WWP1: variants seen among roughly 807,000 people sequenced by gnomAD.
The protein encoded by WWP1 is NEDD4-like E3 ubiquitin-protein ligase WWP1.
WWP1 carries 49 observed loss-of-function variants against 130.6 expected under a neutral mutation model. That is an observed-to-expected ratio of 0.38 (90% CI 0.30 to 0.48). WWP1 has a LOEUF of 0.48. WWP1 is among the 20% of genes least tolerant of loss of function. WWP1 has a pLI of 0.99. For synonymous variants in WWP1, 332 were observed against 367.8 expected (o/e 0.90, Z 1.11); for missense variants, 809 against 1,100.6 (o/e 0.74, Z 3.75).
Position 86,468,364 on chromosome 8 carries a change from C to T in WWP1, c.*1471C>T. Reference sequence around the variant, plus strand: ...AAGACGAAAGAAAGGCAGAGATCTGCTTGGTTGAATAGACTCCTTTTCCAA... The same window carrying T: ...AAGACGAAAGAAAGGCAGAGATCTGTTTGGTTGAATAGACTCCTTTTCCAA... On this transcript the variant is annotated 3_prime_UTR_variant, in exon 25 of 25. Transcript: ENST00000517970. The T allele has an allele frequency of 2.2e-6, 1 of 453,460 alleles. No individual in the cohort carries two copies. The highest frequency in any genetic ancestry group is 4.4e-6 in the Non-Finnish European group (1 of 226,376). The allele number at this position is 453,460 out of a possible 1,614,324, so 28.1% of individuals were successfully genotyped here.
intron 2 of WWP1, among the ~76,000 whole-genome samples, chr8:86,372,221 A>G (rs1035645849): frequency 7.3e-5 from 11 of 151,082 alleles, no homozygotes; most frequent in African/African-American, 2.4e-4. Flanking sequence ...ACGGGGTTTC[A>G]CCGTGTTACC....
At chr8:86,382,397 A>C (rs1825033006) in intron 5 of WWP1, among the ~76,000 whole-genome samples, 1 of 152,174 alleles carries the variant, frequency 6.6e-6, no homozygotes, top group African/African-American at 2.4e-5. Context: ...GATCCTCTGA[A>C]TATTAAAAAC....
intron 12 of WWP1, among the ~76,000 whole-genome samples, chr8:86,431,181 A>ATCTATAATATAATATATATTATATTC (rs1485068688): frequency 3.6e-5 from 5 of 140,372 alleles, no homozygotes; most frequent in East Asian, 2.0e-4. Flanking sequence ...CTACATAATT[A>ATCTATAATATAATATATATTATATTC]TCTATAATAT....
At chr8:86,412,867 T>C (rs1363636000) in intron 9 of WWP1, among the ~76,000 whole-genome samples, 1 of 152,164 alleles carries the variant, frequency 6.6e-6, no homozygotes, top group Non-Finnish European at 1.5e-5. Context: ...TCATTCTTGT[T>C]GGCCAGGCTA....
Position 86,427,825 on chromosome 8 carries a change from G to A in WWP1, c.1332+8G>A, listed in dbSNP as rs370587501. 1.9e-6 allele frequency: 3 copies of A among 1,593,718 alleles called. No individual in the cohort carries two copies. The highest frequency in any genetic ancestry group is 1.3e-5 in the African/African-American group (1 of 74,116). ...CAACGATACCTCTATTCGGTAATTA[G>A]CAAATTGTAAGATGTTAACATAACT... is the stretch of plus-strand genomic sequence containing the variant. On this transcript the variant is annotated splice_region_variant and intron_variant, in intron 11 of 24. Coordinates refer to ENST00000517970, the MANE Select transcript of WWP1 (RefSeq NM_007013.4).
intron 1 of WWP1, among the ~76,000 whole-genome samples, chr8:86,365,032 A>G (rs963244860): frequency 2.0e-5 from 3 of 152,124 alleles, no homozygotes; most frequent in African/African-American, 7.2e-5. Flanking sequence ...AAGTCAAGAA[A>G]CAAGGACTAG....
chr8:86,456,301 G>A (rs1321814972), intron 21 of WWP1, among the ~76,000 whole-genome samples: 1 of 151,824 alleles, frequency 6.6e-6, no homozygotes, highest in East Asian at 1.9e-4. Context: ...CTCTTCAAAA[G>A]ATACCATTAA....
intron 7 of WWP1, among the ~76,000 whole-genome samples, chr8:86,401,501 A>G (rs1353082339): frequency 6.6e-6 from 1 of 151,696 alleles, no homozygotes; most frequent in African/African-American, 2.4e-5. Context: ...TTGAAGCTGC[A>G]GTGAGCCACT....
intron 1 of WWP1, among the ~76,000 whole-genome samples, chr8:86,350,175 A>G (rs530580825): frequency 2.0e-5 from 3 of 152,286 alleles, no homozygotes; most frequent in African/African-American, 4.8e-5. Flanking sequence ...CTTTCCAAGA[A>G]CAGGTAGATT....
intron 1 of WWP1, among the ~76,000 whole-genome samples, chr8:86,367,552 G>T (rs957061163): frequency 2.6e-5 from 4 of 152,104 alleles, no homozygotes; most frequent in Non-Finnish European, 4.4e-5. Flanking sequence ...ACTTTTTTCT[G>T]TTCTTTGCAG....
At chr8:86,413,010 G>T (rs565660589) in intron 9 of WWP1, among the ~76,000 whole-genome samples, 111 of 152,204 alleles carry the variant, frequency 7.3e-4, no homozygotes, top group African/African-American at 2.6e-3. Context: ...TGTATTTTTA[G>T]TAGAGACGGG....
At chr8:86,398,763 T>C (rs1042020587) in intron 7 of WWP1, 125 bp downstream of exon 7, 9 of 973,742 alleles carry the variant, frequency 9.2e-6, no homozygotes, top group Admixed American at 7.9e-5. Flanking sequence ...TCTAAGCATG[T>C]CATTTGGTTA....
At chr8:86,371,308 T>C (rs1319854444) in intron 2 of WWP1, among the ~76,000 whole-genome samples, 4 of 152,216 alleles carry the variant, frequency 2.6e-5, no homozygotes, top group Non-Finnish European at 5.9e-5. Flanking sequence ...TTTTTTGTTA[T>C]TATGAAGAAT....
At position 86,431,398 on chromosome 8, in the gene WWP1, T is replaced by C; in HGVS notation, c.1388-8T>C. 1 of 1,579,282 alleles carries C rather than the reference T, an allele frequency of 6.3e-7. No homozygotes were observed. The highest frequency in any genetic ancestry group is 2.3e-5 in the East Asian group (1 of 44,292). ...GTTATTAAATATTATACTCACTTTA[T>C]ATTTCAGAAAAAAGAGTGGATTCAA... On this transcript the variant is annotated splice_polypyrimidine_tract_variant and splice_region_variant and intron_variant, in intron 12 of 24. Transcript: ENST00000517970.
chr8:86,448,043 A>G, intron 18 of WWP1, 105 bp from the exon 19 acceptor site: 1 of 987,268 alleles, frequency 1.0e-6, no homozygotes, highest in Non-Finnish European at 1.5e-6. Flanking sequence ...CACTTACTGA[A>G]TGCTTTGTTT....
chr8:86,388,807 A>C (rs1167669664), intron 5 of WWP1, among the ~76,000 whole-genome samples: 1 of 152,168 alleles, frequency 6.6e-6, no homozygotes, highest in Non-Finnish European at 1.5e-5. Flanking sequence ...AAAGTTTTTC[A>C]TAGAACATAA....
In WWP1 at chr8:86,411,568, C is replaced by A; in HGVS notation, c.755C>A (p.Thr252Asn). The change falls in exon 9 of 25, where the codon ACT becomes AAT. Residue 252 changes from threonine (T) to asparagine (N), a missense_variant. Thr to Asn is a moderately conservative substitution (Grantham distance 65). Coordinates refer to ENST00000517970, the MANE Select transcript of WWP1 (RefSeq NM_007013.4). ...GGAGAATCATCCTCATTTGCACCAA[C>A]TGATAATGCGTCTGTCACGGGTACT... ...VNGESSSFAP[T>N]DNASVTGTPV... 1 of 1,613,718 alleles carries A rather than the reference C, an allele frequency of 6.2e-7. No homozygotes were observed. Among genetic ancestry groups the A allele is most frequent in the Non-Finnish European group, 8.5e-7 (1 of 1,179,694 alleles).
intron 1 of WWP1, among the ~76,000 whole-genome samples, chr8:86,353,683 A>G (rs1823083977): frequency 6.6e-6 from 1 of 152,058 alleles, no homozygotes; most frequent in Admixed American, 6.6e-5. Context: ...GGGTTTCACC[A>G]TGTTGGCCAG....
rs567989435 is a variant in WWP1, at chr8:86,356,725, A to G, written c.-114-12214A>G. Among the ~76,000 whole-genome samples the G allele has an allele frequency of 2.0e-5, 3 of 152,290 alleles. No homozygotes were observed. The South Asian group carries it at 6.2e-4, about 32-fold the overall frequency. On this transcript the variant is annotated intron_variant, in intron 1 of 24. Transcript: ENST00000517970. Reference sequence around the variant, plus strand: ...GATGAATACATTGTCTTTTCTTTCTAATGTTTTCTAGTAAACATAGTAACT... The same window carrying G: ...GATGAATACATTGTCTTTTCTTTCTGATGTTTTCTAGTAAACATAGTAACT...
Sources: allele counts gnomAD v4.1 joint callset (sites outside exome capture counted in the v4.1 genomes callset), GRCh38; gene constraint gnomAD v4.1.1; transcripts MANE v1.5; gene names NCBI Gene and HGNC (gene_info 2026-07-23, HGNC 2026-07-21).